Variants in KIAA1671 observed in about 807,000 individuals in gnomAD.
The protein encoded by KIAA1671 is uncharacterized protein KIAA1671.
A neutral mutation model predicts 131.2 loss-of-function variants in KIAA1671; 52 were observed. That is an observed-to-expected ratio of 0.40 (90% CI 0.32 to 0.50). KIAA1671 has a LOEUF of 0.50. Ranked by LOEUF, KIAA1671 falls within the 20% of genes least tolerant of loss-of-function variation. The pLI is 0.73. For synonymous variants in KIAA1671, 1,003 were observed against 961.6 expected (o/e 1.04, Z -0.80); for missense variants, 2,360 against 2,364.2 (o/e 1.00, Z 0.04).
chr22:24,993,860 C>T (rs1159680901), intron 1 of KIAA1671, among the ~76,000 whole-genome samples: 1 of 152,066 alleles, frequency 6.6e-6, no homozygotes, highest in African/African-American at 2.4e-5. Context: ...AGTTGGATCA[C>T]TTGAGGTCAG....
intron 6 of KIAA1671, among the ~76,000 whole-genome samples, chr22:25,103,947 G>A (rs554465160): frequency 6.6e-6 from 1 of 152,148 alleles, no homozygotes; most frequent in Admixed American, 6.5e-5. Context: ...TCCATTAGTG[G>A]TTATTATTTC....
rs1361131322 is a variant in KIAA1671 at position 24,993,133 on chromosome 22, G to A, written c.-207-32500G>A. 2.6e-5 allele frequency among the ~76,000 whole-genome samples: 4 copies of A among 152,062 alleles called. No homozygotes were observed. The South Asian group carries it at 6.2e-4, about 24-fold the overall frequency. ...CAGTTATCACCTGGATGCACCAGAC[G>A]GAGGATGCTGACATGTGAGATGCTG... is the stretch of plus-strand genomic sequence containing the variant. On this transcript the variant is annotated intron_variant, in intron 1 of 12. Transcript: ENST00000358431.
intron 6 of KIAA1671, among the ~76,000 whole-genome samples, chr22:25,115,589 G>A (rs963720939): frequency 4.6e-5 from 7 of 152,186 alleles, no homozygotes; most frequent in Middle Eastern, 3.4e-3. Context: ...TTGCTTTTTG[G>A]GGGGCTCAGA....
chr22:25,093,736 C>CTTTCTCTCTCTCTCTCTG (rs1568950981), intron 6 of KIAA1671, among the ~76,000 whole-genome samples: 1 of 115,218 alleles, frequency 8.7e-6, no homozygotes, highest in African/African-American at 4.2e-5. Context: ...CACACACACA[C>CTTTCTCTCTCTCTCTCTG]ACTCTCTCTC....
chr22:25,160,608 G>A (rs1424118645), intron 6 of KIAA1671, among the ~76,000 whole-genome samples: 1 of 152,090 alleles, frequency 6.6e-6, no homozygotes, highest in Non-Finnish European at 1.5e-5. Context: ...GCCCCACTGA[G>A]TAGTGTCCAC....
At chr22:24,977,673 G>A (rs891269708) in intron 1 of KIAA1671, among the ~76,000 whole-genome samples, 6 of 152,234 alleles carry the variant, frequency 3.9e-5, no homozygotes, top group Non-Finnish European at 7.3e-5. Flanking sequence ...TGGGGGTTGA[G>A]GGGCAGGGCC....
chr22:25,167,169 A>G (rs1933673365), intron 6 of KIAA1671, among the ~76,000 whole-genome samples: 1 of 152,218 alleles, frequency 6.6e-6, no homozygotes, highest in South Asian at 2.1e-4. Context: ...CTTGCAAGGC[A>G]AAAACATAAC....
chr22:25,031,320 C>A (rs1295321504), intron 3 of KIAA1671, among the ~76,000 whole-genome samples: 12 of 152,056 alleles, frequency 7.9e-5, no homozygotes, highest in African/African-American at 2.9e-4. Flanking sequence ...CCTCAGCCTC[C>A]CAAGTAGCTG....
intron 1 of KIAA1671, among the ~76,000 whole-genome samples, chr22:24,962,925 T>C (rs1569192798): frequency 6.6e-6 from 1 of 152,100 alleles, no homozygotes; most frequent in Non-Finnish European, 1.5e-5. Context: ...GAAGCAGCCC[T>C]GACCCAGCCA....
chr22:25,002,945 T>A (rs908245119), intron 1 of KIAA1671, among the ~76,000 whole-genome samples: 5 of 152,144 alleles, frequency 3.3e-5, no homozygotes, highest in Admixed American at 6.5e-5. Flanking sequence ...AGTGCCCAGC[T>A]AATTTTTGTA....
rs558942587 is a variant in KIAA1671, at chr22:25,171,228, C to T, written c.4649+290C>T. 1.6e-3 allele frequency among the ~76,000 whole-genome samples: 245 copies of T among 151,974 alleles called. 3 individuals are homozygous for T. Among genetic ancestry groups the T allele is most frequent in the Non-Finnish European group, 1.0e-3 (69 of 67,974 alleles). ...CAGACTGGGAAACATGGTGGAACCC[C>T]GTCTCTACTAAAATACAAAAAATTA... On this transcript the variant is annotated intron_variant, in intron 7 of 12. Coordinates refer to ENST00000358431, the MANE Select transcript of KIAA1671 (RefSeq NM_001145206.2).
At chr22:24,986,153 G>A (rs1042835244) in intron 1 of KIAA1671, among the ~76,000 whole-genome samples, 6 of 152,126 alleles carry the variant, frequency 3.9e-5, no homozygotes, top group Admixed American at 2.6e-4. Flanking sequence ...CCAGTCTGGC[G>A]CTCTTGGAGA....
intron 5 of KIAA1671, among the ~76,000 whole-genome samples, chr22:25,043,792 C>T (rs1387962375): frequency 3.3e-5 from 5 of 152,214 alleles, no homozygotes; most frequent in Non-Finnish European, 7.4e-5. Context: ...GTGGGAAGAG[C>T]GTAGAATGTT....
chr22:24,955,800 A>C (rs5760754), intron 1 of KIAA1671, among the ~76,000 whole-genome samples: 65,518 of 151,828 alleles, frequency 0.43, 16,593 homozygotes, highest in East Asian at 0.76. Context: ...CCAAGGCAGG[A>C]CGATCACGAG....
rs1163895205 is a variant in KIAA1671 at position 25,039,137 on chromosome 22, G to A, written c.2007G>A (p.Lys669=). The change falls in exon 5 of 13, where the codon AAG becomes AAA. Residue 669 remains lysine, a synonymous_variant. Coordinates refer to ENST00000358431, the MANE Select transcript of KIAA1671 (RefSeq NM_001145206.2). ...ACCCACCAGACATGACAAAACTGAA[G>A]AAAGAGAACTCCAGAGGGTTTGACA... ...GRDPPDMTKL[K]KENSRGFDNP... is the part of the protein sequence containing the mutation. 1.9e-6 allele frequency: 3 copies of A among 1,551,432 alleles called. No individual in the cohort carries two copies. Among genetic ancestry groups the A allele is most frequent in the Non-Finnish European group, 2.6e-6 (3 of 1,147,034 alleles).
At chr22:25,054,033 C>CAAAAAAA (rs56317002) in intron 6 of KIAA1671, 16 of 118,420 alleles carry the variant, frequency 1.4e-4, no homozygotes, top group East Asian at 1.0e-3. Context: ...TACTAAAATA[C>CAAAAAAA]AAAAAAAAAA....
chr22:25,037,813 T>G (rs1926696990), intron 4 of KIAA1671, among the ~76,000 whole-genome samples: 1 of 152,116 alleles, frequency 6.6e-6, no homozygotes, highest in Admixed American at 6.6e-5. Context: ...TCATCCACGG[T>G]GTAGGATGAA....
At chr22:24,998,658 C>T (rs1276111912) in intron 1 of KIAA1671, among the ~76,000 whole-genome samples, 2 of 145,986 alleles carry the variant, frequency 1.4e-5, no homozygotes, top group Non-Finnish European at 3.0e-5. Flanking sequence ...GCGGAGCTTG[C>T]AGTGAGCCAA....
chr22:24,978,886 T>C (rs1042088946), intron 1 of KIAA1671, among the ~76,000 whole-genome samples: 5 of 152,152 alleles, frequency 3.3e-5, no homozygotes, highest in Non-Finnish European at 2.9e-5. Flanking sequence ...GTTTTCACCA[T>C]GTCGGCCAGG....
Sources: gnomAD v4.1 joint callset for allele counts (sites outside exome capture counted in the v4.1 genomes callset) on GRCh38, gnomAD v4.1.1 for gene constraint, MANE v1.5 for transcripts, NCBI Gene and HGNC (gene_info 2026-07-23, HGNC 2026-07-21) for gene names.